Variants in KCNMB4 observed in about 807,000 individuals in gnomAD.
The protein encoded by KCNMB4 is potassium calcium-activated channel subfamily M regulatory beta subunit 4, also known as calcium-activated potassium channel subunit beta-4.
A neutral mutation model predicts 20.7 loss-of-function variants in KCNMB4; 3 were observed. The ratio of observed to expected loss-of-function variants is 0.14; its 90% CI spans 0.07 to 0.37. The LOEUF (loss-of-function observed/expected upper bound fraction) is 0.37, where lower values mean the gene tolerates loss of function less well. Ranked by LOEUF, KCNMB4 falls within the 10% of genes least tolerant of loss-of-function variation. The pLI is 1.00. For missense variants in KCNMB4, 168 were observed against 265.9 expected (o/e 0.63, Z 2.56); for synonymous variants, 110 against 113.4 (o/e 0.97, Z 0.19).
At chr12:70,396,929 A>G (rs1232051460) in intron 1 of KCNMB4, among the ~76,000 whole-genome samples, 1 of 152,234 alleles carries the variant, frequency 6.6e-6, no homozygotes, top group Non-Finnish European at 1.5e-5. Flanking sequence ...AATTCTGGCA[A>G]TCTACGATGA....
At chr12:70,381,008 G>A (rs1340563535) in intron 1 of KCNMB4, among the ~76,000 whole-genome samples, 4 of 151,972 alleles carry the variant, frequency 2.6e-5, no homozygotes, top group Admixed American at 2.0e-4. Flanking sequence ...TATCTGATAA[G>A]TGTCTAGTAC....
At chr12:70,409,819 G>C (rs527811976) in intron 2 of KCNMB4, among the ~76,000 whole-genome samples, 1 of 152,298 alleles carries the variant, frequency 6.6e-6, no homozygotes, top group South Asian at 2.1e-4. Context: ...AAAGAGCTTG[G>C]TGGTTTTAGG....
chr12:70,400,195 TTC>T lies in KCNMB4; in HGVS notation c.337-12_337-11del. Reference sequence around the variant, plus strand: ...TAAAATAATAGGTTTACTTTCTGTATTCTATTTTGTTAGTGCTCCTATATCCC... The same window carrying T: ...TAAAATAATAGGTTTACTTTCTGTATTATTTTGTTAGTGCTCCTATATCCC... On this transcript the variant is annotated splice_polypyrimidine_tract_variant and intron_variant, in intron 1 of 2. Transcript: ENST00000258111. The T allele has an allele frequency of 6.4e-7, 1 of 1,566,498 alleles. No individual in the cohort carries two copies. The highest frequency in any genetic ancestry group is 8.6e-7 in the Non-Finnish European group (1 of 1,157,146).
At chr12:70,416,713 C>T (rs1272702069) in intron 2 of KCNMB4, among the ~76,000 whole-genome samples, 2 of 152,124 alleles carry the variant, frequency 1.3e-5, no homozygotes, top group Admixed American at 1.3e-4. Flanking sequence ...TATTGCTTGA[C>T]AGACTACAAC....
intron 1 of KCNMB4, among the ~76,000 whole-genome samples, chr12:70,376,933 A>G (rs1416952513): frequency 9.9e-5 from 15 of 152,112 alleles, no homozygotes; most frequent in Admixed American, 9.8e-4. Flanking sequence ...ATGTCTTGGA[A>G]TAAATTTTAT....
At chr12:70,382,198 C>T (rs1376564596) in intron 1 of KCNMB4, among the ~76,000 whole-genome samples, 1 of 151,922 alleles carries the variant, frequency 6.6e-6, no homozygotes, top group Non-Finnish European at 1.5e-5. Context: ...GTAATCCCAG[C>T]ACTTTGGGAG....
At chr12:70,423,316 T>C (rs75807168) in intron 2 of KCNMB4, among the ~76,000 whole-genome samples, 6 of 152,302 alleles carry the variant, frequency 3.9e-5, no homozygotes, top group Non-Finnish European at 5.9e-5. Context: ...TAAACATTAG[T>C]ACTTAAAATT....
At chr12:70,377,952 C>CTTT (rs112757781) in intron 1 of KCNMB4, among the ~76,000 whole-genome samples, 13 of 141,760 alleles carry the variant, frequency 9.2e-5, no homozygotes, top group Non-Finnish European at 2.0e-4. Context: ...AGCTCTACTT[C>CTTT]TTTTTTTTTT....
At chr12:70,386,807 G>A (rs1246870317) in intron 1 of KCNMB4, among the ~76,000 whole-genome samples, 1 of 152,204 alleles carries the variant, frequency 6.6e-6, no homozygotes, top group South Asian at 2.1e-4. Flanking sequence ...TTTTTCATTA[G>A]AGGACCAACT....
In KCNMB4 at chr12:70,373,323, A is replaced by G. The variant is rs566421874; in HGVS notation, c.336+6253A>G. Among the ~76,000 whole-genome samples the G allele has an allele frequency of 7.2e-5, 11 of 152,354 alleles. No homozygotes were observed. The South Asian group carries it at 1.2e-3, about 17-fold the overall frequency. On this transcript the variant is annotated intron_variant, in intron 1 of 2. Transcript: ENST00000258111. ...ATCCTGAGTTATCCAGACAATCCCA[A>G]TGGAATCACAAGGTACTTAAAAGTA... is the stretch of plus-strand genomic sequence containing the variant.
chr12:70,414,869 T>G (rs1868873818), intron 2 of KCNMB4, among the ~76,000 whole-genome samples: 1 of 152,220 alleles, frequency 6.6e-6, no homozygotes, highest in Non-Finnish European at 1.5e-5. Flanking sequence ...ATTGTTCCAG[T>G]CTCATGATTA....
rs190306436 is a variant in KCNMB4 at position 70,431,633 on chromosome 12, T to A, written c.*980T>A. On this transcript the variant is annotated 3_prime_UTR_variant, in exon 3 of 3. Coordinates refer to ENST00000258111, the MANE Select transcript of KCNMB4 (RefSeq NM_014505.6). ...GATTGCTGCCATTGTGCAGTTTGCTTAGACAAACCTGGAGATGCAACCCAG... is the reference window on the plus strand; with the variant it reads ...GATTGCTGCCATTGTGCAGTTTGCTAAGACAAACCTGGAGATGCAACCCAG... The A allele has an allele frequency of 3.3e-5, 5 of 152,256 alleles. No individual in the cohort carries two copies. The highest frequency in any genetic ancestry group is 1.2e-4 in the African/African-American group (5 of 41,542). The allele number at this position is 152,256 out of a possible 1,614,324, so 9.4% of individuals were successfully genotyped here.
chr12:70,429,884 C>T (rs926326358), intron 2 of KCNMB4, among the ~76,000 whole-genome samples: 4 of 152,040 alleles, frequency 2.6e-5, no homozygotes, highest in African/African-American at 7.2e-5. Flanking sequence ...TTTAAAATGA[C>T]GGCTAATTTC....
intron 2 of KCNMB4, among the ~76,000 whole-genome samples, chr12:70,420,922 G>A (rs951146284): frequency 7.0e-6 from 1 of 143,518 alleles, no homozygotes; most frequent in Middle Eastern, 3.5e-3. Flanking sequence ...GCCGGGCGTG[G>A]TGGCAGGCAC....
intron 2 of KCNMB4, chr12:70,422,665 T>C (rs1482340390): frequency 1.6e-6 from 2 of 1,283,000 alleles, no homozygotes; most frequent in Non-Finnish European, 2.0e-6. Context: ...ATTTGCCTTT[T>C]TAAAAAAGAC....
chr12:70,381,095 G>GT (rs1048675798), intron 1 of KCNMB4, among the ~76,000 whole-genome samples: 135 of 147,074 alleles, frequency 9.2e-4, no homozygotes, highest in Middle Eastern at 3.6e-3. Flanking sequence ...GATGTGAATA[G>GT]TTTTTTTTTT....
chr12:70,372,791 C>T (rs1336549282), intron 1 of KCNMB4, among the ~76,000 whole-genome samples: 2 of 152,080 alleles, frequency 1.3e-5, no homozygotes, highest in Non-Finnish European at 2.9e-5. Flanking sequence ...GGCAGAATGT[C>T]AAGTTCTACA....
At chr12:70,423,298 T>C (rs1427080881) in intron 2 of KCNMB4, among the ~76,000 whole-genome samples, 1 of 152,220 alleles carries the variant, frequency 6.6e-6, no homozygotes, top group African/African-American at 2.4e-5. Context: ...CAGCAACTCT[T>C]GTACAATTAA....
chr12:70,409,360 G>T (rs1171854918), intron 2 of KCNMB4, among the ~76,000 whole-genome samples: 1 of 152,084 alleles, frequency 6.6e-6, no homozygotes. Flanking sequence ...CACCACGCTA[G>T]GTTTTGTTTT....
Sources: gnomAD v4.1 joint callset for allele counts (sites outside exome capture counted in the v4.1 genomes callset) on GRCh38, gnomAD v4.1.1 for gene constraint, MANE v1.5 for transcripts, NCBI Gene and HGNC (gene_info 2026-07-23, HGNC 2026-07-21) for gene names.